DIP2B: variants seen among roughly 807,000 people sequenced by gnomAD.
DIP2B encodes disco-interacting protein 2 homolog B.
DIP2B carries 76 observed loss-of-function variants against 198.0 expected under a neutral mutation model. The ratio of observed to expected loss-of-function variants is 0.38; its 90% CI spans 0.32 to 0.46. The LOEUF (loss-of-function observed/expected upper bound fraction) is 0.46, where lower values mean the gene tolerates loss of function less well. Ranked by LOEUF, DIP2B falls within the 20% of genes least tolerant of loss-of-function variation. The pLI is 0.99. For synonymous variants in DIP2B, 701 were observed against 739.1 expected, an observed-to-expected ratio of 0.95 and a Z score of 0.84; for missense variants, 1,559 against 1,978.4, an observed-to-expected ratio of 0.79 and a Z score of 4.02.
chr12:50,581,504 A>G (rs577776269), intron 1 of DIP2B, among the ~76,000 whole-genome samples: 6 of 149,222 alleles, frequency 4.0e-5, no homozygotes, highest in Non-Finnish European at 8.8e-5. Context: ...CCAAAGAGGG[A>G]GAGTAAAAAG....
At chr12:50,691,918 G>A (rs1443528815) in intron 13 of DIP2B, among the ~76,000 whole-genome samples, 2 of 151,958 alleles carry the variant, frequency 1.3e-5, no homozygotes, top group Non-Finnish European at 2.9e-5. Context: ...AACAAAAAAT[G>A]ACCAGGTGTG....
At chr12:50,658,042 G>A (rs1440755115) in intron 3 of DIP2B, among the ~76,000 whole-genome samples, 1 of 147,952 alleles carries the variant, frequency 6.8e-6, no homozygotes, top group Non-Finnish European at 1.5e-5. Context: ...CTGGAGCCCA[G>A]TTCAAGACCA....
intron 36 of DIP2B, among the ~76,000 whole-genome samples, chr12:50,740,058 T>A (rs1054617935): frequency 6.6e-6 from 1 of 152,228 alleles, no homozygotes; most frequent in Non-Finnish European, 1.5e-5. Context: ...TGGCCAGGCC[T>A]CTGGTATGAG....
intron 1 of DIP2B, among the ~76,000 whole-genome samples, chr12:50,529,249 C>T (rs150597505): frequency 7.2e-5 from 11 of 152,272 alleles, no homozygotes; most frequent in Admixed American, 3.3e-4. Context: ...TGTGATGGCA[C>T]CATTGCAACT....
intron 2 of DIP2B, among the ~76,000 whole-genome samples, chr12:50,631,517 G>A (rs1277591015): frequency 6.6e-6 from 1 of 151,994 alleles, no homozygotes; most frequent in Non-Finnish European, 1.5e-5. Context: ...GAGCCACCGT[G>A]CCCGGCCCTG....
At chr12:50,509,686 A>ATG (rs1193095784) in intron 1 of DIP2B, among the ~76,000 whole-genome samples, 4 of 32,550 alleles carry the variant, frequency 1.2e-4, no homozygotes, top group Admixed American at 9.7e-4. Flanking sequence ...GAAGAGGAAA[A>ATG]AGGAGATGTT....
chr12:50,543,994 A>G (rs1309714360), intron 1 of DIP2B, among the ~76,000 whole-genome samples: 39 of 146,278 alleles, frequency 2.7e-4, no homozygotes, highest in African/African-American at 8.1e-4. Flanking sequence ...CTTTGGGAGG[A>G]GGAGGCTGGC....
intron 1 of DIP2B, among the ~76,000 whole-genome samples, chr12:50,579,896 G>T (rs1958708565): frequency 6.6e-6 from 1 of 151,326 alleles, no homozygotes; most frequent in Non-Finnish European, 1.5e-5. Context: ...TAGGTGTGCT[G>T]ATCTGGTATG....
At chr12:50,536,327 G>T (rs893915316) in intron 1 of DIP2B, among the ~76,000 whole-genome samples, 8 of 148,230 alleles carry the variant, frequency 5.4e-5, no homozygotes, top group Non-Finnish European at 1.0e-4. Flanking sequence ...GCATGGTGGC[G>T]TGAGCCTGTA....
At chr12:50,589,081 G>A (rs34682944) in intron 1 of DIP2B, among the ~76,000 whole-genome samples, 47,399 of 151,266 alleles carry the variant, frequency 0.31, 7,577 homozygotes, top group South Asian at 0.39. Context: ...CTACTCGGGA[G>A]GCTGAGGCAG....
chr12:50,579,773 A>G (rs1958707292), intron 1 of DIP2B, among the ~76,000 whole-genome samples: 1 of 146,090 alleles, frequency 6.8e-6, no homozygotes, highest in Non-Finnish European at 1.5e-5. Context: ...ACTGTGGACC[A>G]CATTTTTGGA....
chr12:50,577,557 G>A (rs1448507856), intron 1 of DIP2B, among the ~76,000 whole-genome samples: 1 of 150,986 alleles, frequency 6.6e-6, no homozygotes, highest in African/African-American at 2.4e-5. Context: ...ATAAAAAAAA[G>A]TAAAACTGAA....
intron 2 of DIP2B, 113 bp from the exon 3 acceptor site, chr12:50,640,610 TG>T: frequency 8.9e-7 from 1 of 1,120,998 alleles, no homozygotes; most frequent in Non-Finnish European, 1.3e-6. Flanking sequence ...AACCCTTTAC[TG>T]TAGATGGGGT....
At chr12:50,627,433 A>T (rs1262219564) in intron 2 of DIP2B, among the ~76,000 whole-genome samples, 2 of 152,184 alleles carry the variant, frequency 1.3e-5, no homozygotes, top group African/African-American at 4.8e-5. Context: ...TCCCAGGTTT[A>T]AATGATCCTC....
intron 1 of DIP2B, among the ~76,000 whole-genome samples, chr12:50,558,349 G>A (rs1417945772): frequency 1.3e-5 from 2 of 152,252 alleles, no homozygotes; most frequent in Admixed American, 1.3e-4. Flanking sequence ...AGATGCAGCA[G>A]TGCTGGTTGA....
intron 1 of DIP2B, among the ~76,000 whole-genome samples, chr12:50,505,881 C>T (rs1293528800): frequency 1.3e-5 from 2 of 151,736 alleles, no homozygotes; most frequent in Middle Eastern, 3.4e-3. Flanking sequence ...TTCCTGGTGC[C>T]TGTTATTCGG....
intron 1 of DIP2B, among the ~76,000 whole-genome samples, chr12:50,563,781 C>T (rs1416281712): frequency 5.4e-5 from 8 of 149,008 alleles, no homozygotes; most frequent in African/African-American, 2.0e-4. Context: ...CAGGCATAAG[C>T]CACCTTGCCC....
intron 2 of DIP2B, among the ~76,000 whole-genome samples, chr12:50,630,244 G>A (rs1014061976): frequency 2.0e-5 from 3 of 151,888 alleles, no homozygotes; most frequent in African/African-American, 7.3e-5. Flanking sequence ...CACTGCACCC[G>A]GCCAAACTCA....
intron 3 of DIP2B, among the ~76,000 whole-genome samples, chr12:50,642,096 G>C (rs1283767302): frequency 6.6e-6 from 1 of 151,888 alleles, no homozygotes; most frequent in Non-Finnish European, 1.5e-5. Flanking sequence ...TTCACACACA[G>C]AAGGAGAAAA....
Sources: gnomAD v4.1 joint callset for allele counts (sites outside exome capture counted in the v4.1 genomes callset) on GRCh38, gnomAD v4.1.1 for gene constraint, MANE v1.5 for transcripts, NCBI Gene and HGNC (gene_info 2026-07-23, HGNC 2026-07-21) for gene names.